Variants in BRF1 observed in about 807,000 individuals in gnomAD.
BRF1 encodes the protein BRF1 general transcription factor IIIB subunit.
A neutral mutation model predicts 81.7 loss-of-function variants in BRF1; 59 were observed. The ratio of observed to expected loss-of-function variants is 0.72; its 90% CI spans 0.59 to 0.90. The LOEUF is 0.90. Ranked by LOEUF, BRF1 falls within the 40% of genes least tolerant of loss-of-function variation. The pLI is 0.00. For missense variants in BRF1, 1,050 were observed against 936.3 expected (o/e 1.12, Z -1.58); for synonymous variants, 491 against 395.6 (o/e 1.24, Z -2.86).
intron 7 of BRF1, chr14:105,228,346 T>G (rs1287219077): frequency 6.6e-6 from 1 of 151,902 alleles, no homozygotes; most frequent in Non-Finnish European, 1.5e-5. Flanking sequence ...AGGTCAGGAG[T>G]TCAAGACCAG....
At chr14:105,256,647 C>T (rs1273178253) in intron 3 of BRF1, 98 bp from the exon 4 acceptor site, 20 of 1,516,004 alleles carry the variant, frequency 1.3e-5, no homozygotes, top group Non-Finnish European at 1.8e-5. Context: ...CTGCAGGGAG[C>T]TGGAGTCGCC....
In BRF1 at chr14:105,256,081, C is replaced by T. The variant is rs879103654; in HGVS notation, c.471+437G>A. The stretch of plus-strand genomic sequence containing the variant: ...CAGAGGTTGCAGTAAGCTGAGATCA[C>T]GCCACTGCACTCCAGCCTGGGTGAC... On this transcript the variant is annotated intron_variant, in intron 4 of 17. Coordinates refer to ENST00000547530, the MANE Select transcript of BRF1 (RefSeq NM_001519.4). 46 of 1,013,894 alleles carry T rather than the reference C, an allele frequency of 4.5e-5. 1 individual carries two copies. The highest frequency in any genetic ancestry group is 2.5e-4 in the East Asian group (5 of 20,094). 62.8% of individuals were successfully genotyped at this position (1,013,894 alleles called of 1,614,324 possible).
chr14:105,275,502 CCCG>C (rs1211221791), intron 2 of BRF1, among the ~76,000 whole-genome samples: 1 of 152,266 alleles, frequency 6.6e-6, no homozygotes, highest in East Asian at 1.9e-4. Flanking sequence ...ACAGACCGTC[CCCG>C]CGGCCCAGCA....
intron 3 of BRF1, among the ~76,000 whole-genome samples, chr14:105,261,514 T>C (rs1250328508): frequency 6.6e-6 from 1 of 152,200 alleles, no homozygotes; most frequent in Non-Finnish European, 1.5e-5. Context: ...GGCTGCACGA[T>C]GCTTGCAGGG....
chr14:105,226,559 A>C, intron 8 of BRF1, 75 bp downstream of exon 8: 1 of 1,598,754 alleles, frequency 6.3e-7, no homozygotes, highest in South Asian at 1.1e-5. Context: ...GCTCTGCTAC[A>C]ACCCCAGTCG....
chr14:105,280,931 T>G (rs28368773), intron 2 of BRF1, among the ~76,000 whole-genome samples: 1 of 82,682 alleles, frequency 1.2e-5, no homozygotes, highest in Admixed American at 1.1e-4. Context: ...CCCAGGTGTG[T>G]GGACAGAGCC....
intron 7 of BRF1, among the ~76,000 whole-genome samples, chr14:105,228,457 T>C (rs1170085444): frequency 6.6e-6 from 1 of 150,948 alleles, no homozygotes; most frequent in Non-Finnish European, 1.5e-5. Context: ...GGCAGGAGAA[T>C]CTCTTGGACC....
intron 7 of BRF1, among the ~76,000 whole-genome samples, chr14:105,228,465 A>G (rs1297398354): frequency 5.3e-5 from 8 of 150,940 alleles, no homozygotes; most frequent in Admixed American, 1.3e-4. Flanking sequence ...AATCTCTTGG[A>G]CCCGGGAGGC....
Position 105,271,830 on chromosome 14 carries a change from G to A in BRF1, c.439+891C>T, listed in dbSNP as rs191927550. ...CAAGGCCAAGCTGCACACCGCTGAG[G>A]GTCGGCAGCCTCCCCGCCCACCGCC... is the stretch of plus-strand genomic sequence containing the variant. On this transcript the variant is annotated intron_variant, in intron 3 of 17. Coordinates refer to ENST00000547530, the MANE Select transcript of BRF1 (RefSeq NM_001519.4). The surrounding 1 kb of genome is among the most constrained non-coding windows in gnomAD (Gnocchi z 5.5). Among the ~76,000 whole-genome samples, 695 of 151,724 alleles carry A rather than the reference G, an allele frequency of 4.6e-3. 16 individuals are homozygous for A. Among genetic ancestry groups the A allele is most frequent in the South Asian group, 0.042 (197 of 4,730 alleles).
intron 10 of BRF1, chr14:105,222,118 G>T (rs1892375286): frequency 1.8e-6 from 1 of 559,246 alleles, no homozygotes; most frequent in Admixed American, 4.1e-5. Flanking sequence ...CACAGACCTA[G>T]GGGGAGAGTT....
In BRF1 at chr14:105,217,601, C is replaced by A. The variant is rs746602408; in HGVS notation, c.1715G>T (p.Arg572Leu). 2 of 1,613,364 alleles carry A rather than the reference C, an allele frequency of 1.2e-6. No individual in the cohort carries two copies. The highest frequency in any genetic ancestry group is 1.7e-6 in the Non-Finnish European group (2 of 1,180,016). ...EHSASARKLS[R>L]RRTPASRSGA... ...ACTTCTGCTGGCCGGCGTCCTCCTT[C>A]GTGACAGCTTCCTGGCACTGGCGCT... Residue 572 changes from arginine (R) to leucine (L), a missense_variant, in exon 15 of 18, where the codon CGA becomes CTA. Coordinates refer to ENST00000547530, the MANE Select transcript of BRF1 (RefSeq NM_001519.4).
chr14:105,250,594 G>C (rs1404311028), intron 5 of BRF1: 1 of 1,614,006 alleles, frequency 6.2e-7, no homozygotes, highest in Non-Finnish European at 8.5e-7. Flanking sequence ...TGGCCTTCCA[G>C]TTCCAGTGCT....
At chr14:105,266,704 G>A (rs1006457611) in intron 3 of BRF1, among the ~76,000 whole-genome samples, 1 of 152,028 alleles carries the variant, frequency 6.6e-6, no homozygotes, top group African/African-American at 2.4e-5. Context: ...CTGAGTCCTC[G>A]GCATACAAAA....
intron 6 of BRF1, 38 bp from the exon 7 acceptor site, chr14:105,228,951 G>T: frequency 6.3e-7 from 1 of 1,593,372 alleles, no homozygotes. Flanking sequence ...AACCACGGCT[G>T]GGAACCAGGG....
intron 5 of BRF1, chr14:105,241,750 C>A (rs1030487169): frequency 5.6e-6 from 2 of 354,588 alleles, no homozygotes; most frequent in South Asian, 6.2e-5. Context: ...CAGCACCACA[C>A]GCAACAACGG....
intron 5 of BRF1, chr14:105,242,088 C>T (rs587732927): frequency 6.6e-6 from 1 of 152,626 alleles, no homozygotes; most frequent in Non-Finnish European, 1.5e-5. Context: ...TGTGCCCCAC[C>T]AGGCTCAGGT....
At chr14:105,275,381 C>T (rs1218451178) in intron 2 of BRF1, among the ~76,000 whole-genome samples, 1 of 152,246 alleles carries the variant, frequency 6.6e-6, no homozygotes, top group African/African-American at 2.4e-5. Context: ...AGGCTGGTCA[C>T]TGTCCCCAGA....
chr14:105,292,760 CCCCTTCCCAGGCGCAGA>C (rs775688658), intron 1 of BRF1, among the ~76,000 whole-genome samples: 94 of 152,178 alleles, frequency 6.2e-4, no homozygotes, highest in Non-Finnish European at 1.1e-3. Context: ...GCAGCCCACA[CCCCTTCCCAGGCGCAGA>C]CCCTTCCCAT....
intron 6 of BRF1, 32 bp from the exon 7 acceptor site, chr14:105,228,945 A>G (rs1475370805): frequency 3.7e-6 from 6 of 1,602,646 alleles, no homozygotes; most frequent in Non-Finnish European, 5.1e-6. Flanking sequence ...CTCGTCAACC[A>G]CGGCTGGGAA....
Sources: allele counts gnomAD v4.1 joint callset (sites outside exome capture counted in the v4.1 genomes callset), GRCh38; gene constraint gnomAD v4.1.1; non-coding constraint Gnocchi (gnomAD v3.1); transcripts MANE v1.5; gene names NCBI Gene and HGNC (gene_info 2026-07-23, HGNC 2026-07-21).